Variants in RALGPS1 observed in about 807,000 individuals in gnomAD.
RALGPS1 encodes the protein Ral GEF with PH domain and SH3 binding motif 1.
RALGPS1 carries 19 observed loss-of-function variants against 78.8 expected under a neutral mutation model. The observed-to-expected ratio is 0.24, with a 90% CI of 0.17 to 0.35. The LOEUF (loss-of-function observed/expected upper bound fraction) is 0.35, where lower values mean the gene tolerates loss of function less well. RALGPS1 is among the 10% of genes least tolerant of loss of function. The pLI is 1.00. For synonymous variants in RALGPS1, 228 were observed against 256.3 expected (o/e 0.89, Z 1.06); for missense variants, 454 against 688.3 (o/e 0.66, Z 3.81).
chr9:127,069,505 C>T (rs1051915583), intron 8 of RALGPS1, 149 bp downstream of exon 8: 15 of 790,224 alleles, frequency 1.9e-5, no homozygotes, highest in Admixed American at 1.7e-4. Flanking sequence ...TTGGAACAGG[C>T]TGTTGGTACT....
chr9:127,029,339 C>T (rs2046226265), intron 4 of RALGPS1, among the ~76,000 whole-genome samples: 1 of 152,160 alleles, frequency 6.6e-6, no homozygotes. Context: ...ACCTATCTCC[C>T]AGGGTGTTTC....
In RALGPS1 at chr9:127,025,696, C is replaced by A. The variant is rs988460558; in HGVS notation, c.217-8735C>A. Reference sequence around the variant, plus strand: ...AAGTGTATGAACAAATCTTTTCTTTCATTTTTTTTTTTTTGAGACAGTCTT... The same window carrying A: ...AAGTGTATGAACAAATCTTTTCTTTAATTTTTTTTTTTTTGAGACAGTCTT... On this transcript the variant is annotated intron_variant, in intron 4 of 18. Transcript: ENST00000259351. Among the ~76,000 whole-genome samples the A allele has an allele frequency of 6.6e-5, 10 of 151,324 alleles. No homozygotes were observed. In the East Asian group the frequency reaches 1.7e-3, roughly 26 times the overall value.
At chr9:127,104,051 C>A (rs1250366604) in intron 8 of RALGPS1, among the ~76,000 whole-genome samples, 1 of 152,190 alleles carries the variant, frequency 6.6e-6, no homozygotes, top group Non-Finnish European at 1.5e-5. Context: ...CACCAACAGG[C>A]TCTGTTACAG....
chr9:127,163,516 A>T (rs186430816), intron 8 of RALGPS1, among the ~76,000 whole-genome samples: 1 of 152,242 alleles, frequency 6.6e-6, no homozygotes, highest in African/African-American at 2.4e-5. Context: ...AAGTATTAGC[A>T]TATGTTTCTG....
intron 4 of RALGPS1, among the ~76,000 whole-genome samples, chr9:127,002,970 G>A (rs2043480076): frequency 6.6e-6 from 1 of 152,098 alleles, no homozygotes; most frequent in Admixed American, 6.5e-5. Context: ...CCAGTAATGG[G>A]ATGGCTGGAT....
At chr9:126,981,967 A>C (rs955839266) in intron 4 of RALGPS1, among the ~76,000 whole-genome samples, 1 of 152,154 alleles carries the variant, frequency 6.6e-6, no homozygotes, top group African/African-American at 2.4e-5. Flanking sequence ...TCTGCTTCCA[A>C]GGTGGCTCGT....
chr9:127,187,243 A>G (rs2060708489), intron 11 of RALGPS1, among the ~76,000 whole-genome samples: 1 of 152,170 alleles, frequency 6.6e-6, no homozygotes. Flanking sequence ...AAGGGTAGTA[A>G]CTGGGTCTTA....
chr9:127,221,256 T>C lies in RALGPS1; in HGVS notation c.*2487T>C, dbSNP rs1380801268. 1 of 152,232 alleles carries C rather than the reference T, an allele frequency of 6.6e-6. No individual in the cohort carries two copies. Among genetic ancestry groups the C allele is most frequent in the Non-Finnish European group, 1.5e-5 (1 of 68,054 alleles). 9.4% of individuals were successfully genotyped at this position (152,232 alleles called of 1,614,324 possible). A position where few individuals can be genotyped will look rare whatever the true frequency, so the allele number is the denominator to read the frequency against. On this transcript the variant is annotated 3_prime_UTR_variant, in exon 19 of 19. Transcript: ENST00000259351. The stretch of plus-strand genomic sequence containing the variant: ...ACCACAAGGCGGGAAAGTCCATGGG[T>C]AGACCCTCCCCCTGGAGGGAAGCAT...
chr9:126,944,093 T>G (rs2037030562), intron 1 of RALGPS1, among the ~76,000 whole-genome samples: 4 of 152,250 alleles, frequency 2.6e-5, no homozygotes, highest in Admixed American at 2.6e-4. Flanking sequence ...GAACTTGATC[T>G]GTGTCTGGGT....
At chr9:127,047,376 T>A (rs1210746969) in intron 5 of RALGPS1, among the ~76,000 whole-genome samples, 9 of 152,162 alleles carry the variant, frequency 5.9e-5, no homozygotes, top group Admixed American at 5.9e-4. Flanking sequence ...ACCAATTTAG[T>A]TTTAAGAGAC....
chr9:127,195,253 G>C (rs769417279), intron 12 of RALGPS1, 36 bp downstream of exon 12: 5 of 1,601,476 alleles, frequency 3.1e-6, no homozygotes, highest in Non-Finnish European at 4.2e-6. Context: ...CCGGGCTTCA[G>C]ACCGTCCTGC....
intron 18 of RALGPS1, chr9:127,216,220 A>G (rs938959295): frequency 6.6e-6 from 1 of 152,220 alleles, no homozygotes; most frequent in Middle Eastern, 3.2e-3. Flanking sequence ...GCTGATTGCA[A>G]TTACAGATGA....
intron 1 of RALGPS1, among the ~76,000 whole-genome samples, chr9:126,931,722 A>G (rs1167708128): frequency 6.6e-6 from 1 of 152,208 alleles, no homozygotes; most frequent in East Asian, 1.9e-4. Context: ...AACTTAGTGA[A>G]TATGCTAAAA....
Position 127,091,709 on chromosome 9 carries a change from G to A in RALGPS1, c.610+22353G>A. 6 of 1,613,944 alleles carry A rather than the reference G, an allele frequency of 3.7e-6. No individual in the cohort carries two copies. Among genetic ancestry groups the A allele is most frequent in the Non-Finnish European group, 5.1e-6 (6 of 1,180,002 alleles). On this transcript the variant is annotated intron_variant, in intron 8 of 18. Coordinates refer to ENST00000259351, the MANE Select transcript of RALGPS1 (RefSeq NM_014636.3). This position sits in a 1 kb window ranked among gnomAD's most constrained non-coding sequence, Gnocchi z 4.3. ...TGATCTCTGTCCAGGGTGGTGAACT[G>A]CTTGCCGTTGTGCCATGTAAAGGAG... is the stretch of plus-strand genomic sequence containing the variant.
At chr9:127,095,144 A>G (rs2052966916) in intron 8 of RALGPS1, among the ~76,000 whole-genome samples, 1 of 152,240 alleles carries the variant, frequency 6.6e-6, no homozygotes, top group Non-Finnish European at 1.5e-5. Flanking sequence ...CACGCCTGTA[A>G]TCCCAGCACT....
chr9:126,949,474 G>A (rs1348412321), intron 1 of RALGPS1, among the ~76,000 whole-genome samples: 3 of 152,132 alleles, frequency 2.0e-5, no homozygotes, highest in Non-Finnish European at 4.4e-5. Context: ...TCCAGCACCT[G>A]TTGTTTCCTG....
intron 6 of RALGPS1, 80 bp from the exon 7 acceptor site, chr9:127,052,767 T>C (rs1307006296): frequency 3.5e-6 from 3 of 858,560 alleles, no homozygotes; most frequent in African/African-American, 3.4e-5. Flanking sequence ...TTCATAAATA[T>C]GACATTTGGT....
intron 8 of RALGPS1, among the ~76,000 whole-genome samples, chr9:127,158,980 T>C (rs186502127): frequency 6.6e-6 from 1 of 152,222 alleles, no homozygotes; most frequent in East Asian, 1.9e-4. Context: ...AGGTATAATT[T>C]CCCCAAAAGG....
chr9:126,918,143 C>G (rs751813347), intron 1 of RALGPS1, among the ~76,000 whole-genome samples: 4 of 152,118 alleles, frequency 2.6e-5, no homozygotes, highest in Non-Finnish European at 5.9e-5. Context: ...TTATTTATTG[C>G]ACAAAAATAT....
Sources: gnomAD v4.1 joint callset for allele counts (sites outside exome capture counted in the v4.1 genomes callset) on GRCh38, gnomAD v4.1.1 for gene constraint, Gnocchi (gnomAD v3.1) non-coding constraint, MANE v1.5 for transcripts, NCBI Gene and HGNC (gene_info 2026-07-23, HGNC 2026-07-21) for gene names.